The following ABCA4 variants were observed in gnomAD, a reference collection of about 807,000 sequenced individuals.
ABCA4 encodes ATP binding cassette subfamily A member 4, also known as retinal-specific phospholipid-transporting ATPase ABCA4.
In ABCA4, 196 loss-of-function variants were observed where a neutral mutation model predicts 263.7. That is an observed-to-expected ratio of 0.74 (90% CI 0.66 to 0.84). The LOEUF (loss-of-function observed/expected upper bound fraction) is 0.84. Among genes scored for constraint, ABCA4 ranks in the 40% least tolerant of loss-of-function variants. The probability of loss-of-function intolerance (pLI) is 0.00; values close to 1 mark genes in which losing one functional copy is unlikely to be tolerated. For synonymous variants in ABCA4, 1,133 were observed against 1,094.2 expected, an observed-to-expected ratio of 1.04 and a Z score of -0.70; for missense variants, 2,792 against 2,855.1, an observed-to-expected ratio of 0.98 and a Z score of 0.50.
intron 26 of ABCA4, 80 bp from the exon 27 acceptor site, chr1:94,032,123 C>T: frequency 6.5e-7 from 1 of 1,544,878 alleles, no homozygotes; most frequent in Non-Finnish European, 8.8e-7. Flanking sequence ...TTTTCCCTTA[C>T]AGCATTGATT....
chr1:94,093,059 A>G (rs1263140785), intron 6 of ABCA4, among the ~76,000 whole-genome samples: 1 of 152,078 alleles, frequency 6.6e-6, no homozygotes, highest in Non-Finnish European at 1.5e-5. Flanking sequence ...CTCAGCCACT[A>G]AGAGATGCCT....
At chr1:94,077,553 G>A (rs1661568367) in intron 11 of ABCA4, 137 bp downstream of exon 11, 1 of 785,012 alleles carries the variant, frequency 1.3e-6, no homozygotes, top group Admixed American at 2.8e-5. Flanking sequence ...AACTGTACAG[G>A]GGATGTAGGG....
At chr1:94,052,458 T>C (rs1570383409) in intron 16 of ABCA4, among the ~76,000 whole-genome samples, 1 of 152,184 alleles carries the variant, frequency 6.6e-6, no homozygotes, top group Non-Finnish European at 1.5e-5. Context: ...TCGGGGCAGG[T>C]CTGGATCTTT....
rs1248217831 is a variant in ABCA4 at position 94,005,554 on chromosome 1, G to C, written c.6034C>G (p.Gln2012Glu). ...AACTGAGGACAGTAGCCCATATTTT[G>C]ATGGACTTCAGAAATATTGGTTAAA... ...SILTNISEVH[Q>E]NMGYCPQFDA... The change falls in exon 44 of 50, where the codon CAA (glutamine) becomes GAA (glutamate). Residue 2012 changes from glutamine (Q) to glutamate (E), a missense_variant. Coordinates refer to ENST00000370225, the MANE Select transcript of ABCA4 (RefSeq NM_000350.3). The C allele has an allele frequency of 6.2e-7, 1 of 1,614,044 alleles. No individual in the cohort carries two copies. The highest frequency in any genetic ancestry group is 1.7e-5 in the Admixed American group (1 of 60,022).
intron 26 of ABCA4, among the ~76,000 whole-genome samples, chr1:94,036,359 T>A (rs184612341): frequency 1.7e-4 from 26 of 151,162 alleles, no homozygotes; most frequent in African/African-American, 5.8e-4. Context: ...TGCTTTGTTG[T>A]TTCATGACTT....
chr1:94,103,175 G>T, intron 4 of ABCA4, 33 bp from the exon 5 acceptor site: 2 of 1,612,480 alleles, frequency 1.2e-6, no homozygotes, highest in African/African-American at 1.3e-5. Context: ...ACAGGGTGTT[G>T]AAGGGGAAAT....
intron 29 of ABCA4, 36 bp downstream of exon 29, chr1:94,030,392 C>A: frequency 6.3e-7 from 1 of 1,598,962 alleles, no homozygotes; most frequent in East Asian, 2.2e-5. Flanking sequence ...CCCAGGGGAG[C>A]TAGTCTTCTT....
intron 45 of ABCA4, chr1:94,001,524 G>C (rs557879070): frequency 4.1e-5 from 23 of 566,914 alleles, no homozygotes; most frequent in Middle Eastern, 3.4e-4. Context: ...AGGAGCCTTT[G>C]ACCCAGCTCA....
intron 6 of ABCA4, among the ~76,000 whole-genome samples, chr1:94,092,290 AAGC>A (rs929483790): frequency 6.6e-6 from 1 of 152,180 alleles, no homozygotes; most frequent in Non-Finnish European, 1.5e-5. Flanking sequence ...AAAGCAGTTG[AAGC>A]AGTGGACAGA....
chr1:94,001,720 A>C (rs1046121874), intron 45 of ABCA4, 138 bp downstream of exon 45: 38 of 1,291,296 alleles, frequency 2.9e-5, no homozygotes, highest in Non-Finnish European at 3.7e-5. Flanking sequence ...ATCGCTCAAA[A>C]TGAGCAACAC....
At chr1:94,013,476 C>G (rs1024985181) in intron 38 of ABCA4, among the ~76,000 whole-genome samples, 11 of 152,072 alleles carry the variant, frequency 7.2e-5, no homozygotes, top group African/African-American at 2.7e-4. Flanking sequence ...GCCGGTCCCA[C>G]CCTCTGAACT....
intron 4 of ABCA4, among the ~76,000 whole-genome samples, chr1:94,105,564 T>C (rs940436025): frequency 6.6e-5 from 10 of 150,938 alleles, no homozygotes; most frequent in Admixed American, 6.6e-4. Context: ...AAAATAAATT[T>C]CGTTTAAAAT....
At chr1:94,036,619 T>C (rs905810200) in intron 26 of ABCA4, 121 bp downstream of exon 26, 16 of 1,080,124 alleles carry the variant, frequency 1.5e-5, no homozygotes, top group Non-Finnish European at 2.0e-5. Flanking sequence ...TCCATCTGCC[T>C]TGGCCTCCCA....
Position 94,010,846 on chromosome 1 carries a change from A to C in ABCA4, c.5668T>G (p.Phe1890Val), listed in dbSNP as rs1422282959. 1 of 1,614,018 alleles carries C rather than the reference A, an allele frequency of 6.2e-7. No individual in the cohort carries two copies. The highest frequency in any genetic ancestry group is 8.5e-7 in the Non-Finnish European group (1 of 1,180,028). Residue 1890 changes from phenylalanine to valine, a missense_variant, in exon 40 of 50, where the codon TTC becomes GTC. Transcript: ENST00000370225. Reference sequence around the variant, plus strand: ...CGCTGGACCAGCAGGGTCAGGAGGAAGTACACCACCCCTTCCACCACCATG... The same window carrying C: ...CGCTGGACCAGCAGGGTCAGGAGGACGTACACCACCCCTTCCACCACCATG... ...FAMVVEGVVY[F>V]LLTLLVQRHF...
chr1:94,063,219 C>T lies in ABCA4; in HGVS notation c.1653G>A (p.Val551=), dbSNP rs61753963. The change falls in exon 12 of 50, where the codon GTG becomes GTA. Residue 551 remains valine, a synonymous_variant. Transcript: ENST00000370225. ...LLEENMFWAG[V]VFPDMYPWTS... ...TCCAGGGATACATGTCAGGGAATACCACTCCGGCCCAGAACATGTTTTCCT... is the reference window on the plus strand; with the variant it reads ...TCCAGGGATACATGTCAGGGAATACTACTCCGGCCCAGAACATGTTTTCCT... 649 of 1,614,044 alleles carry T rather than the reference C, an allele frequency of 4.0e-4. 4 individuals are homozygous for T. In the African/African-American group the frequency reaches 7.9e-3, roughly 20 times the overall value.
chr1:94,000,808 C>T, intron 47 of ABCA4, 28 bp downstream of exon 47: 1 of 1,607,074 alleles, frequency 6.2e-7, no homozygotes, highest in Non-Finnish European at 8.5e-7. Context: ...CAGAAGGCAA[C>T]AAGGGGCACG....
chr1:94,027,353 C>T (rs1056365744), intron 30 of ABCA4, among the ~76,000 whole-genome samples: 4 of 152,182 alleles, frequency 2.6e-5, no homozygotes, highest in Admixed American at 1.3e-4. Flanking sequence ...CTTGGCCTCC[C>T]CTCCCTCGCC....
chr1:94,047,619 T>G (rs1660723904), intron 18 of ABCA4, among the ~76,000 whole-genome samples: 1 of 152,198 alleles, frequency 6.6e-6, no homozygotes, highest in Non-Finnish European at 1.5e-5. Context: ...AAACAACATC[T>G]GCCTTCAGAT....
rs1187040111 is a variant in ABCA4, at chr1:94,083,432, G to T, written c.778C>A (p.Leu260Ile). 1.2e-6 allele frequency: 2 copies of T among 1,613,282 alleles called. No homozygotes were observed. The highest frequency in any genetic ancestry group is 2.7e-5 in the African/African-American group (2 of 74,998). The change falls in exon 7 of 50, where the codon CTC becomes ATC. Residue 260 changes from leucine to isoleucine, a missense_variant. Physicochemically the swap from Leu to Ile is conservative, Grantham distance 5. Transcript: ENST00000370225. ...ATACCTTGAGAACGGCTGTCTAGGA[G>T]TGTGGGAAGCTGTAATTGACAGTAA... ...FFKLFRVLPTLLDSRSQGINL... is the reference protein window; with the variant it reads ...FFKLFRVLPTILDSRSQGINL...
Sources: allele counts gnomAD v4.1 joint callset (sites outside exome capture counted in the v4.1 genomes callset), GRCh38; gene constraint gnomAD v4.1.1; transcripts MANE v1.5; gene names NCBI Gene and HGNC (gene_info 2026-07-23, HGNC 2026-07-21).